Variants in MYO18B observed in about 807,000 individuals in gnomAD.
MYO18B encodes the protein unconventional myosin-XVIIIb.
In MYO18B, 204 loss-of-function variants were observed where a neutral mutation model predicts 273.0. That is an observed-to-expected ratio of 0.75 (90% CI 0.67 to 0.84). The LOEUF (loss-of-function observed/expected upper bound fraction) is 0.84. Ranked by LOEUF, MYO18B falls within the 40% of genes least tolerant of loss-of-function variation. The pLI, the probability that MYO18B is intolerant of heterozygous loss-of-function variation, is 0.00. For synonymous variants in MYO18B, 1,330 were observed against 1,305.7 expected, an observed-to-expected ratio of 1.02 and a Z score of -0.40; for missense variants, 3,212 against 3,287.6, an observed-to-expected ratio of 0.98 and a Z score of 0.56.
In MYO18B at chr22:25,876,044, G is replaced by GTA. The variant is rs1555920977; in HGVS notation, c.4081-143_4081-142dup. ...TGTGTGTGTGTGTGTGTGTGTGTGT[G>GTA]TATGTGTTTTAAGGTATCCAGTCCC... On this transcript the variant is annotated intron_variant, in intron 23 of 43. Transcript: ENST00000335473. 4.3e-5 allele frequency: 18 copies of GTA among 418,432 alleles called. No individual in the cohort carries two copies. The Admixed American group carries it at 6.5e-4, about 15-fold the overall frequency. The allele number at this position is 418,432 out of a possible 1,614,324, so 25.9% of individuals were successfully genotyped here.
chr22:25,857,897 A>G (rs1479740596), intron 21 of MYO18B, among the ~76,000 whole-genome samples: 1 of 152,130 alleles, frequency 6.6e-6, no homozygotes, highest in Non-Finnish European at 1.5e-5. Context: ...AGATGATCCA[A>G]CCACCTTGGT....
At chr22:26,058,383 CAAGA>C in the MYO18B span, among the ~76,000 whole-genome samples, 1 of 151,996 alleles carries the variant, frequency 6.6e-6, no homozygotes, top group East Asian at 1.9e-4. Flanking sequence ...GGCATTAACT[CAAGA>C]GAAATGTGTG....
intron 34 of MYO18B, among the ~76,000 whole-genome samples, chr22:25,929,867 GGA>G (rs970984396): frequency 6.6e-6 from 1 of 152,048 alleles, no homozygotes; most frequent in African/African-American, 2.4e-5. Flanking sequence ...TCTGATCTTT[GGA>G]GAGAGAATTT....
intron 11 of MYO18B, among the ~76,000 whole-genome samples, chr22:25,793,097 A>G (rs941739370): frequency 2.0e-5 from 3 of 152,200 alleles, no homozygotes; most frequent in African/African-American, 7.2e-5. Flanking sequence ...GCATGGAAGG[A>G]GAGAGGCAGC....
chr22:25,988,558 T>A (rs2093226943), intron 39 of MYO18B, among the ~76,000 whole-genome samples: 1 of 152,180 alleles, frequency 6.6e-6, no homozygotes, highest in South Asian at 2.1e-4. Context: ...ACTCACCTTC[T>A]ATGCAGCCCT....
chr22:25,786,887 A>G (rs1052208855), intron 11 of MYO18B, among the ~76,000 whole-genome samples: 1 of 152,228 alleles, frequency 6.6e-6, no homozygotes, highest in South Asian at 2.1e-4. Flanking sequence ...GATGGCAACT[A>G]AGCACATGAA....
chr22:25,815,977 T>C (rs991326594), intron 12 of MYO18B, among the ~76,000 whole-genome samples: 6 of 152,182 alleles, frequency 3.9e-5, no homozygotes, highest in Non-Finnish European at 8.8e-5. Context: ...AGATGGCACA[T>C]CGGCCAGGCC....
At chr22:26,046,410 T>A in the MYO18B span, among the ~76,000 whole-genome samples, 2 of 152,332 alleles carry the variant, frequency 1.3e-5, no homozygotes, top group African/African-American at 2.4e-5. Flanking sequence ...CCATGACAGA[T>A]GTGAAAGCCT....
chr22:25,929,790 A>T (rs751920822), intron 34 of MYO18B, among the ~76,000 whole-genome samples: 1 of 152,134 alleles, frequency 6.6e-6, no homozygotes, highest in Non-Finnish European at 1.5e-5. Context: ...GTCCACCTGA[A>T]TATCTAGTAC....
intron 1 of MYO18B, among the ~76,000 whole-genome samples, chr22:25,759,637 C>G (rs555136297): frequency 1.3e-5 from 2 of 152,128 alleles, no homozygotes; most frequent in Non-Finnish European, 2.9e-5. Flanking sequence ...CCTGCATGTT[C>G]TACACATATA....
In MYO18B at chr22:25,876,338, T is replaced by C; in HGVS notation, c.4224+6T>C. On this transcript the variant is annotated splice_donor_region_variant and intron_variant, in intron 24 of 43. Transcript: ENST00000335473. The stretch of plus-strand genomic sequence containing the variant: ...AGCAGCTCCGAGCCAAGGAGGTCAG[T>C]CTATGTGGCAGGCAGGGTGCTGGGT... 4 of 1,605,474 alleles carry C rather than the reference T, an allele frequency of 2.5e-6. No homozygotes were observed. Among genetic ancestry groups the C allele is most frequent in the Non-Finnish European group, 3.4e-6 (4 of 1,174,478 alleles).
chr22:25,960,781 C>T (rs2092909604), intron 39 of MYO18B, among the ~76,000 whole-genome samples: 1 of 152,188 alleles, frequency 6.6e-6, no homozygotes, highest in Admixed American at 6.5e-5. Context: ...CCCACTTTCC[C>T]TTCAGTCTTG....
chr22:26,044,651 T>A, the MYO18B span, among the ~76,000 whole-genome samples: 1 of 152,378 alleles, frequency 6.6e-6, no homozygotes, highest in African/African-American at 2.4e-5. Flanking sequence ...TACTTCTTTG[T>A]TCCATAAATA....
At chr22:25,984,804 A>G (rs115751708) in intron 39 of MYO18B, among the ~76,000 whole-genome samples, 1 of 89,986 alleles carries the variant, frequency 1.1e-5, no homozygotes, top group Non-Finnish European at 2.6e-5. Context: ...CATCTCTAAG[A>G]AAAAAAAAAA....
At chr22:25,938,458 G>A (rs2092606464) in intron 34 of MYO18B, among the ~76,000 whole-genome samples, 1 of 152,198 alleles carries the variant, frequency 6.6e-6, no homozygotes. Flanking sequence ...GAAGGGCATG[G>A]GTTTGGAGTC....
At chr22:25,945,408 C>T (rs1449945967) in intron 34 of MYO18B, among the ~76,000 whole-genome samples, 4 of 152,084 alleles carry the variant, frequency 2.6e-5, no homozygotes, top group Non-Finnish European at 4.4e-5. Flanking sequence ...TGATTGTTCC[C>T]TGCATGTCCA....
intron 42 of MYO18B, among the ~76,000 whole-genome samples, chr22:26,007,899 G>A (rs1934563600): frequency 6.6e-6 from 1 of 152,152 alleles, no homozygotes; most frequent in Non-Finnish European, 1.5e-5. Context: ...GCAGTCTTAA[G>A]CTTCCTTCTC....
the MYO18B span, among the ~76,000 whole-genome samples, chr22:26,049,017 A>G: frequency 6.6e-6 from 1 of 152,192 alleles, no homozygotes; most frequent in Non-Finnish European, 1.5e-5. Context: ...CCATGACATG[A>G]GTTTACCTAC....
chr22:25,867,957 T>C (rs2090938707), intron 21 of MYO18B, among the ~76,000 whole-genome samples: 1 of 152,174 alleles, frequency 6.6e-6, no homozygotes, highest in Non-Finnish European at 1.5e-5. Context: ...TTCATTTATG[T>C]ATATACACAC....
Sources: allele counts gnomAD v4.1 joint callset (sites outside exome capture counted in the v4.1 genomes callset), GRCh38; gene constraint gnomAD v4.1.1; transcripts MANE v1.5; gene names NCBI Gene and HGNC (gene_info 2026-07-23, HGNC 2026-07-21).